IPO5: variants seen among roughly 807,000 people sequenced by gnomAD.
IPO5 encodes importin-5.
In IPO5, 18 loss-of-function variants were observed where a neutral mutation model predicts 143.3. That is an observed-to-expected ratio of 0.13 (90% CI 0.09 to 0.19). The LOEUF is 0.19. Among genes scored for constraint, IPO5 ranks in the 10% least tolerant of loss-of-function variants. The pLI is 1.00. For missense variants in IPO5, 1,013 were observed against 1,336.9 expected (o/e 0.76, Z 3.78); for synonymous variants, 477 against 465.7 (o/e 1.02, Z -0.31).
intron 5 of IPO5, among the ~76,000 whole-genome samples, chr13:97,983,400 G>A (rs1887021361): frequency 2.0e-5 from 3 of 151,964 alleles, no homozygotes; most frequent in African/African-American, 4.8e-5. Flanking sequence ...ATGGTTTTTA[G>A]CTAATTACCT....
In IPO5 at chr13:98,009,918, A is replaced by G; in HGVS notation, c.1838A>G (p.Lys613Arg). The change falls in exon 19 of 29, where the codon AAA (lysine) becomes AGA (arginine). Residue 613 changes from lysine (K) to arginine (R), a missense_variant. Transcript: ENST00000651721. ...YMISAWARMC[K>R]ILGKEFQQYL... ...ATCTCAGCATGGGCCAGAATGTGCA[A>G]AATCCTTGGAAAAGAATTTCAGCAA... 1.2e-6 allele frequency: 2 copies of G among 1,613,542 alleles called. No individual in the cohort carries two copies. Among genetic ancestry groups the G allele is most frequent in the Non-Finnish European group, 1.7e-6 (2 of 1,179,684 alleles).
chr13:97,957,364 AT>A (rs908740837), intron 2 of IPO5, among the ~76,000 whole-genome samples: 4 of 148,558 alleles, frequency 2.7e-5, no homozygotes, highest in South Asian at 2.1e-4. Flanking sequence ...TACCTGGCTA[AT>A]TTTTTTTTTG....
intron 27 of IPO5, among the ~76,000 whole-genome samples, chr13:98,020,591 G>GT (rs1456997856): frequency 6.6e-6 from 1 of 152,048 alleles, no homozygotes; most frequent in South Asian, 2.1e-4. Flanking sequence ...TCGCTATCAG[G>GT]TTTTTTCCCA....
chr13:97,970,481 C>T (rs1342530401), intron 3 of IPO5, among the ~76,000 whole-genome samples: 2 of 152,072 alleles, frequency 1.3e-5, no homozygotes, highest in East Asian at 3.9e-4. Flanking sequence ...ATTAGCCGGG[C>T]ATGGTGGCGG....
intron 6 of IPO5, among the ~76,000 whole-genome samples, chr13:97,988,616 C>T (rs757208384): frequency 7.9e-5 from 12 of 152,178 alleles, no homozygotes; most frequent in African/African-American, 2.7e-4. Flanking sequence ...GGCCAAACCT[C>T]GTCTCTACTA....
At chr13:97,979,360 G>A (rs1382747485) in intron 4 of IPO5, among the ~76,000 whole-genome samples, 1 of 152,066 alleles carries the variant, frequency 6.6e-6, no homozygotes, top group African/African-American at 2.4e-5. Flanking sequence ...ACTCTAAAAA[G>A]TTAAAACTTT....
At chr13:98,016,963 C>T (rs1890156328) in intron 25 of IPO5, 112 bp downstream of exon 25, 2 of 757,078 alleles carry the variant, frequency 2.6e-6, no homozygotes, top group African/African-American at 3.6e-5. Flanking sequence ...ATGATTGTTT[C>T]CATTGTACAT....
chr13:98,012,808 T>TTTTTTTTTTTTTTTG lies in IPO5; in HGVS notation c.2152+480_2152+481insGTTTTTTTTTTTTTT, dbSNP rs1453510932. On this transcript the variant is annotated intron_variant, in intron 21 of 28. Transcript: ENST00000651721. Reference sequence around the variant, plus strand: ...CAAGCCCAGCTAGATTTGATTTTTTTTTTTTTTTTTTTTTTTTTTAAGAGA... The same window carrying TTTTTTTTTTTTTTTG: ...CAAGCCCAGCTAGATTTGATTTTTTTTTTTTTTTTTTTTTGTTTTTTTTTTTTTTTTTTTAAGAGA... Among the ~76,000 whole-genome samples the TTTTTTTTTTTTTTTG allele has an allele frequency of 1.2e-4, 18 of 148,064 alleles. No individual in the cohort carries two copies. In the East Asian group the frequency reaches 1.3e-3, roughly 11 times the overall value.
intron 2 of IPO5, among the ~76,000 whole-genome samples, chr13:97,969,425 G>C (rs996956020): frequency 2.1e-4 from 32 of 150,778 alleles, no homozygotes; most frequent in Middle Eastern, 3.5e-3. Context: ...CTCGTGATCC[G>C]CCTGCCTTGG....
rs565533332 is a variant in IPO5, at chr13:97,990,370, A to G, written c.565-63A>G. ...AAAGAATAATTTGATCTTGAGTAAG[A>G]AAACTTGAATTTGCGTTTATCAAAA... On this transcript the variant is annotated intron_variant, in intron 8 of 28. Transcript: ENST00000651721. 191 of 1,316,206 alleles carry G rather than the reference A, an allele frequency of 1.5e-4. 1 individual carries two copies. The South Asian group carries it at 1.7e-3, about 12-fold the overall frequency. 81.5% of individuals were successfully genotyped at this position (1,316,206 alleles called of 1,614,324 possible). A position where few individuals can be genotyped will look rare whatever the true frequency, so the allele number is the denominator to read the frequency against.
chr13:97,976,624 C>G (rs993654061), intron 3 of IPO5, 69 bp from the exon 4 acceptor site: 3 of 606,346 alleles, frequency 4.9e-6, no homozygotes, highest in African/African-American at 2.0e-5. Context: ...CCCGCCCCCG[C>G]CCCTCCCGCG....
intron 28 of IPO5, 94 bp downstream of exon 28, chr13:98,021,227 G>A: frequency 1.8e-6 from 2 of 1,142,412 alleles, no homozygotes; most frequent in Non-Finnish European, 2.4e-6. Flanking sequence ...AATGAGCTAA[G>A]GAATTTTATT....
At chr13:97,980,972 T>C (rs866651581) in intron 4 of IPO5, among the ~76,000 whole-genome samples, 4 of 152,290 alleles carry the variant, frequency 2.6e-5, no homozygotes, top group South Asian at 2.1e-4. Flanking sequence ...AATGAAAACA[T>C]ACTACTGGTA....
At chr13:97,955,438 T>G (rs917454719) in intron 2 of IPO5, among the ~76,000 whole-genome samples, 2 of 152,192 alleles carry the variant, frequency 1.3e-5, no homozygotes, top group Admixed American at 1.3e-4. Flanking sequence ...TGTCATTTTA[T>G]GTTGGCAGCT....
chr13:98,002,887 C>A lies in IPO5; in HGVS notation c.1347C>A (p.Thr449=). The A allele has an allele frequency of 6.2e-7, 1 of 1,612,922 alleles. No homozygotes were observed. The highest frequency in any genetic ancestry group is 8.5e-7 in the Non-Finnish European group (1 of 1,179,504). The change falls in exon 16 of 29, where the codon ACC becomes ACA. Residue 449 remains threonine, a synonymous_variant. Transcript: ENST00000651721. The part of the protein sequence containing the change: ...HEKVIAALLQ[T]MEDQGNQRVQ... ...AGGTGATTGCAGCTCTGCTGCAGAC[C>A]ATGGAAGACCAAGGCAATCAACGTG... is the stretch of plus-strand genomic sequence containing the variant.
intron 2 of IPO5, among the ~76,000 whole-genome samples, chr13:97,961,815 G>T (rs143577311): frequency 4.2e-4 from 64 of 151,988 alleles, no homozygotes; most frequent in African/African-American, 1.5e-3. Context: ...AAATATTCTG[G>T]ATATAAGTCC....
chr13:97,969,175 A>ATATATATATATATATTT (rs1234384302), intron 2 of IPO5, among the ~76,000 whole-genome samples: 9 of 43,906 alleles, frequency 2.0e-4, no homozygotes, highest in Non-Finnish European at 3.6e-4. Context: ...ATATATATAT[A>ATATATATATATATATTT]TTTTTTTTTT....
Position 97,976,791 on chromosome 13 carries a change from C to T in IPO5, c.90+5C>T. The T allele has an allele frequency of 2.3e-6, 3 of 1,312,688 alleles. No homozygotes were observed. The highest frequency in any genetic ancestry group is 1.3e-5 in the South Asian group (1 of 78,216). The allele number at this position is 1,312,688 out of a possible 1,614,324, so 81.3% of individuals were successfully genotyped here. On this transcript the variant is annotated splice_donor_5th_base_variant and intron_variant, in intron 4 of 28. Coordinates refer to ENST00000651721, the MANE Select transcript of IPO5 (RefSeq NM_002271.6). ...GTGGTCCGGAAACAGGCAGAGGTAA[C>T]CGAGTTCGCCGCCCCAGTCTTCGCG...
intron 5 of IPO5, among the ~76,000 whole-genome samples, chr13:97,985,187 AAT>A (rs1159035838): frequency 6.6e-6 from 1 of 152,200 alleles, no homozygotes; most frequent in East Asian, 1.9e-4. Context: ...TCATTGCTAA[AAT>A]ATGTGTTCCT....
Sources: allele counts gnomAD v4.1 joint callset (sites outside exome capture counted in the v4.1 genomes callset), GRCh38; gene constraint gnomAD v4.1.1; transcripts MANE v1.5; gene names NCBI Gene and HGNC (gene_info 2026-07-23, HGNC 2026-07-21).